Variants in PTPRQ observed in about 807,000 individuals in gnomAD.
PTPRQ encodes the protein phosphatidylinositol phosphatase PTPRQ.
PTPRQ carries 199 observed loss-of-function variants against 246.0 expected under a neutral mutation model. The observed-to-expected ratio is 0.81, with a 90% CI of 0.72 to 0.91. PTPRQ has a LOEUF of 0.91. PTPRQ is among the 40% of genes least tolerant of loss of function. The probability of loss-of-function intolerance (pLI) is 0.00; values close to 1 mark genes in which losing one functional copy is unlikely to be tolerated. For missense variants in PTPRQ, 2,624 were observed against 2,528.4 expected, an observed-to-expected ratio of 1.04 and a Z score of -0.81; for synonymous variants, 869 against 853.2, an observed-to-expected ratio of 1.02 and a Z score of -0.32.
chr12:80,485,686 T>C (rs1894249708), intron 9 of PTPRQ, among the ~76,000 whole-genome samples: 1 of 152,170 alleles, frequency 6.6e-6, no homozygotes, highest in South Asian at 2.1e-4. Flanking sequence ...TGTTGAATTA[T>C]GCTTTCTGTG....
chr12:80,535,131 C>A, intron 19 of PTPRQ, 94 bp downstream of exon 19: 1 of 1,225,544 alleles, frequency 8.2e-7, no homozygotes, highest in Non-Finnish European at 1.1e-6. Context: ...GTTTACCTTA[C>A]ATTGATAATT....
intron 8 of PTPRQ, among the ~76,000 whole-genome samples, chr12:80,478,551 A>C (rs1319063467): frequency 6.6e-6 from 1 of 152,172 alleles, no homozygotes; most frequent in Admixed American, 6.5e-5. Context: ...ACGAGCTGAG[A>C]GAAGCTTCAG....
chr12:80,552,184 C>A (rs1466929831), intron 25 of PTPRQ, among the ~76,000 whole-genome samples: 2 of 151,958 alleles, frequency 1.3e-5, no homozygotes, highest in Non-Finnish European at 2.9e-5. Context: ...TGAGGACAGG[C>A]AAACAGTGTC....
chr12:80,543,281 C>T (rs149812140), intron 23 of PTPRQ, among the ~76,000 whole-genome samples: 2 of 152,068 alleles, frequency 1.3e-5, no homozygotes, highest in Non-Finnish European at 2.9e-5. Flanking sequence ...GACTTCTGGT[C>T]ATCTTTCCAG....
At chr12:80,552,167 G>T (rs751434566) in intron 25 of PTPRQ, among the ~76,000 whole-genome samples, 1 of 152,076 alleles carries the variant, frequency 6.6e-6, no homozygotes, top group Non-Finnish European at 1.5e-5. Flanking sequence ...AGATTACCAG[G>T]AACTTTTGAG....
At chr12:80,606,576 T>C (rs1229705907) in intron 27 of PTPRQ, among the ~76,000 whole-genome samples, 1 of 151,030 alleles carries the variant, frequency 6.6e-6, no homozygotes, top group Admixed American at 6.6e-5. Context: ...AGTTTTCTAA[T>C]AGCATCTTAT....
Position 80,610,635 on chromosome 12 carries a change from A to C in PTPRQ, c.4918+10A>C. 6.5e-7 allele frequency: 1 copy of C among 1,539,854 alleles called. No homozygotes were observed. The highest frequency in any genetic ancestry group is 8.8e-7 in the Non-Finnish European group (1 of 1,139,654). The stretch of plus-strand genomic sequence containing the variant: ...ACTACTTTAGAATCAGGTAAGGAGA[A>C]TTTCTCAACCTTGCTAAAAATTGAC... On this transcript the variant is annotated intron_variant, in intron 28 of 44. Coordinates refer to ENST00000644991, the MANE Select transcript of PTPRQ (RefSeq NM_001145026.2).
chr12:80,663,905 T>G (rs1480336228), intron 39 of PTPRQ, among the ~76,000 whole-genome samples: 1 of 151,976 alleles, frequency 6.6e-6, no homozygotes, highest in South Asian at 2.1e-4. Context: ...AGCTCTTTGA[T>G]TCTATCGAAT....
intron 24 of PTPRQ, 147 bp downstream of exon 24, chr12:80,546,844 C>A: frequency 1.0e-6 from 1 of 965,186 alleles, no homozygotes; most frequent in Non-Finnish European, 1.5e-6. Flanking sequence ...TAGTCTTGGT[C>A]TTGTGTGAAA....
In PTPRQ at chr12:80,620,236, T is replaced by TA; in HGVS notation, c.5474dup (p.Asn1825LysfsTer12). 6.5e-6 allele frequency: 10 copies of TA among 1,549,390 alleles called. No homozygotes were observed. Among genetic ancestry groups the TA allele is most frequent in the Non-Finnish European group, 8.7e-6 (10 of 1,145,404 alleles). The stretch of plus-strand genomic sequence containing the variant: ...CATATTTTACAAATGAAGGCTTTCC[T>TA]AACCCTCCATGTACAGAAGGAAAGA... On this transcript the variant is annotated frameshift_variant, in exon 32 of 45. Transcript: ENST00000644991. LOFTEE classifies it high-confidence loss of function.
chr12:80,590,890 T>C (rs1897776945), intron 26 of PTPRQ, among the ~76,000 whole-genome samples: 1 of 152,014 alleles, frequency 6.6e-6, no homozygotes, highest in Non-Finnish European at 1.5e-5. Context: ...CATCTTTGTA[T>C]TCCCTGTTTC....
At chr12:80,609,502 A>G (rs749596975) in intron 27 of PTPRQ, among the ~76,000 whole-genome samples, 4 of 150,632 alleles carry the variant, frequency 2.7e-5, no homozygotes, top group South Asian at 2.1e-4. Context: ...TCTCATGGTT[A>G]TCTTGGGAAA....
intron 4 of PTPRQ, 119 bp downstream of exon 4, chr12:80,457,763 T>G: frequency 2.5e-6 from 1 of 394,594 alleles, no homozygotes; most frequent in Non-Finnish European, 4.5e-6. Context: ...GCATGGCCAC[T>G]TAATTAGTTT....
chr12:80,480,412 G>A (rs1419761914), intron 8 of PTPRQ, among the ~76,000 whole-genome samples: 1 of 151,894 alleles, frequency 6.6e-6, no homozygotes, highest in Non-Finnish European at 1.5e-5. Context: ...ATGCCCACAA[G>A]AGAAAGCAGG....
chr12:80,472,351 A>C lies in PTPRQ; in HGVS notation c.1186+100A>C, dbSNP rs1409038734. 7 of 1,445,776 alleles carry C rather than the reference A, an allele frequency of 4.8e-6. No homozygotes were observed. In the African/African-American group the frequency reaches 8.6e-5, roughly 18 times the overall value. 89.6% of individuals were successfully genotyped at this position (1,445,776 alleles called of 1,614,324 possible). ...GAAGCAATTTGTTTTACATTTACTT[A>C]AATCATGTTATTTCCTTATTAAATT... On this transcript the variant is annotated intron_variant, in intron 8 of 44. Transcript: ENST00000644991.
chr12:80,485,150 G>T (rs1254172084), intron 9 of PTPRQ, among the ~76,000 whole-genome samples: 1 of 151,912 alleles, frequency 6.6e-6, no homozygotes, highest in African/African-American at 2.4e-5. Flanking sequence ...AAGAGGACCA[G>T]GATCTTTAGG....
chr12:80,610,361 G>A (rs541044438), intron 27 of PTPRQ, 78 bp from the exon 28 acceptor site: 285 of 1,272,804 alleles, frequency 2.2e-4, no homozygotes, highest in Middle Eastern at 2.9e-4. Context: ...TACATCTCAC[G>A]TAGCTTTGTA....
intron 35 of PTPRQ, among the ~76,000 whole-genome samples, chr12:80,646,024 A>G (rs2121212904): frequency 6.6e-6 from 1 of 152,314 alleles, no homozygotes; most frequent in East Asian, 1.9e-4. Context: ...CGTGACTACT[A>G]TATTTTAGCA....
chr12:80,454,889 A>C (rs1892921058), intron 3 of PTPRQ, among the ~76,000 whole-genome samples: 1 of 152,262 alleles, frequency 6.6e-6, no homozygotes, highest in South Asian at 2.1e-4. Context: ...AAAAACAGAT[A>C]GCTTCGGCTG....
Sources: gnomAD v4.1 joint callset for allele counts (sites outside exome capture counted in the v4.1 genomes callset) on GRCh38, gnomAD v4.1.1 for gene constraint, MANE v1.5 for transcripts, NCBI Gene and HGNC (gene_info 2026-07-23, HGNC 2026-07-21) for gene names.